BCAR3: variants seen among roughly 807,000 people sequenced by gnomAD.
BCAR3 encodes the protein breast cancer anti-estrogen resistance protein 3.
In BCAR3, 37 loss-of-function variants were observed where a neutral mutation model predicts 80.1. The observed-to-expected ratio is 0.46, with a 90% CI of 0.36 to 0.61. BCAR3 has a LOEUF of 0.61. Ranked by LOEUF, BCAR3 falls within the 20% of genes least tolerant of loss-of-function variation. BCAR3 has a pLI of 0.00. For missense variants in BCAR3, 978 were observed against 1,068.2 expected (o/e 0.92, Z 1.18); for synonymous variants, 389 against 418.9 (o/e 0.93, Z 0.87).
chr1:93,704,267 T>G (rs1319556711), intron 3 of BCAR3, among the ~76,000 whole-genome samples: 1 of 151,724 alleles, frequency 6.6e-6, no homozygotes, highest in Non-Finnish European at 1.5e-5. Context: ...AAGTCCACAT[T>G]TAGACATAAG....
chr1:93,607,739 A>G (rs1001914061), intron 3 of BCAR3, among the ~76,000 whole-genome samples: 1 of 151,966 alleles, frequency 6.6e-6, no homozygotes, highest in Non-Finnish European at 1.5e-5. Flanking sequence ...TTTTGTCCCT[A>G]TGGCTCCTAC....
intron 2 of BCAR3, among the ~76,000 whole-genome samples, chr1:93,819,741 C>T (rs746920091): frequency 1.4e-4 from 21 of 152,040 alleles, no homozygotes; most frequent in Non-Finnish European, 2.8e-4. Context: ...TTATATATTT[C>T]CAGTTATTTA....
chr1:93,697,459 G>A (rs1649456899), intron 3 of BCAR3, among the ~76,000 whole-genome samples: 1 of 152,174 alleles, frequency 6.6e-6, no homozygotes, highest in Non-Finnish European at 1.5e-5. Context: ...GGCCGAGATT[G>A]ATGCCAGAGG....
intron 3 of BCAR3, among the ~76,000 whole-genome samples, chr1:93,703,014 G>A (rs147145989): frequency 6.6e-6 from 1 of 152,164 alleles, no homozygotes; most frequent in Non-Finnish European, 1.5e-5. Flanking sequence ...TCCAAGGCTG[G>A]CCACCGCGGC....
chr1:93,570,401 A>C lies in BCAR3; in HGVS notation c.1974+1269T>G, dbSNP rs563590223. 2.6e-5 allele frequency among the ~76,000 whole-genome samples: 4 copies of C among 152,196 alleles called. No homozygotes were observed. In the South Asian group the frequency reaches 8.3e-4, roughly 32 times the overall value. ...TTTGCTGGCTGGACTGTAAACTCAT[A>C]CTCAAGTCCTCCAAGCATCCAGGGC... On this transcript the variant is annotated intron_variant, in intron 9 of 11. Transcript: ENST00000260502.
intron 2 of BCAR3, among the ~76,000 whole-genome samples, chr1:93,752,498 C>T (rs923906873): frequency 6.6e-6 from 1 of 152,214 alleles, no homozygotes; most frequent in Non-Finnish European, 1.5e-5. Context: ...CATCACATGT[C>T]AATCGGTTGT....
rs1300664764 is a variant in BCAR3 at position 93,589,370 on chromosome 1, G to A, written c.536C>T (p.Ser179Phe). ...GACAAAGTTCCCAGGGCTGGACAGA[G>A]AGTCACGAACTAGGAAGTCACCATC... ...QRDGDFLVRD[S>F]LSSPGNFVLT... Residue 179 changes from serine (S) to phenylalanine (F), a missense_variant, in exon 5 of 12, where the codon TCT becomes TTT. Ser to Phe is a radical substitution (Grantham distance 155). Coordinates refer to ENST00000260502, the MANE Select transcript of BCAR3 (RefSeq NM_003567.4). 4.3e-6 allele frequency: 7 copies of A among 1,613,828 alleles called. No individual in the cohort carries two copies. The East Asian group carries it at 1.1e-4, about 26-fold the overall frequency.
chr1:93,584,252 C>G (rs999103696), intron 5 of BCAR3, 131 bp from the exon 6 acceptor site: 2 of 731,424 alleles, frequency 2.7e-6, no homozygotes, highest in Non-Finnish European at 4.4e-6. Context: ...CTACAGCATA[C>G]CCTAAAAGTA....
At chr1:93,762,525 C>T (rs756015860) in intron 2 of BCAR3, among the ~76,000 whole-genome samples, 8 of 152,190 alleles carry the variant, frequency 5.3e-5, no homozygotes, top group Non-Finnish European at 1.0e-4. Flanking sequence ...CTGATGGCCA[C>T]ACCTGGCTAA....
At chr1:93,659,248 T>C (rs903432439) in intron 2 of BCAR3, among the ~76,000 whole-genome samples, 45 of 152,168 alleles carry the variant, frequency 3.0e-4, no homozygotes, top group African/African-American at 1.1e-3. Flanking sequence ...GGTGCAACAT[T>C]GGTTCACTGC....
intron 2 of BCAR3, among the ~76,000 whole-genome samples, chr1:93,755,589 A>G (rs1651714542): frequency 6.6e-6 from 1 of 152,352 alleles, no homozygotes; most frequent in South Asian, 2.1e-4. Context: ...ACAATAGGCT[A>G]TAGTCTATAG....
intron 3 of BCAR3, among the ~76,000 whole-genome samples, chr1:93,632,267 C>G (rs1308830387): frequency 6.6e-6 from 1 of 152,180 alleles, no homozygotes; most frequent in Non-Finnish European, 1.5e-5. Flanking sequence ...CAGCCTAGAG[C>G]AAGGGTCAGA....
intron 2 of BCAR3, among the ~76,000 whole-genome samples, chr1:93,820,447 C>A (rs12117532): frequency 0.14 from 21,711 of 152,172 alleles, 2,532 homozygotes; most frequent in African/African-American, 0.31. Context: ...GGGGGTTCCC[C>A]AAATTCCCTC....
chr1:93,762,581 C>T lies in BCAR3; in HGVS notation c.-62-56439G>A, dbSNP rs140277800. On this transcript the variant is annotated intron_variant, in intron 2 of 13. Coordinates refer to the BCAR3 transcript ENST00000370244. ...CAGGCCAGGCCACAGAGGGACCTGA[C>T]GTGCTACGGACTCATGCTTCTCTGC... Among the ~76,000 whole-genome samples the T allele has an allele frequency of 5.9e-3, 893 of 152,300 alleles. 8 individuals carry two copies. The highest frequency in any genetic ancestry group is 0.015 in the African/African-American group (630 of 41,548).
chr1:93,673,205 T>A (rs757850258), intron 2 of BCAR3, among the ~76,000 whole-genome samples: 7 of 152,228 alleles, frequency 4.6e-5, no homozygotes, highest in Non-Finnish European at 1.0e-4. Context: ...GTTGTCTTAT[T>A]TATTTGTATA....
intron 3 of BCAR3, among the ~76,000 whole-genome samples, chr1:93,622,740 C>T (rs1406106823): frequency 2.0e-5 from 3 of 152,172 alleles, no homozygotes; most frequent in African/African-American, 4.8e-5. Context: ...CACTTCCTAA[C>T]GTAGTCAACT....
chr1:93,623,850 T>C (rs423493), intron 3 of BCAR3, among the ~76,000 whole-genome samples: 44,113 of 152,098 alleles, frequency 0.29, 8,754 homozygotes, highest in African/African-American at 0.58. Flanking sequence ...ATCTGAGAAA[T>C]GCTACAAGGA....
At chr1:93,686,785 C>G (rs915347704), upstream of BCAR3, among the ~76,000 whole-genome samples, 5 of 152,176 alleles carry the variant, frequency 3.3e-5, no homozygotes, top group Admixed American at 3.3e-4. Flanking sequence ...GTTTTAGAAA[C>G]GCTGAGCATT....
chr1:93,659,087 AC>A (rs1438372768), intron 2 of BCAR3, among the ~76,000 whole-genome samples: 2 of 152,184 alleles, frequency 1.3e-5, no homozygotes, highest in African/African-American at 4.8e-5. Context: ...CAGAGGCTTC[AC>A]CCCTTGTTCT....
Sources: allele counts gnomAD v4.1 joint callset (sites outside exome capture counted in the v4.1 genomes callset), GRCh38; gene constraint gnomAD v4.1.1; transcripts MANE v1.5; gene names NCBI Gene and HGNC (gene_info 2026-07-23, HGNC 2026-07-21).